Variants in TLN2 observed in about 807,000 individuals in gnomAD.
TLN2 encodes the protein talin-2.
TLN2 carries 118 observed loss-of-function variants against 294.7 expected under a neutral mutation model. The observed-to-expected ratio is 0.40, with a 90% confidence interval of 0.34 to 0.47. The LOEUF (loss-of-function observed/expected upper bound fraction) is 0.47. TLN2 is among the 20% of genes least tolerant of loss of function. TLN2 has a pLI of 0.84. For synonymous variants in TLN2, 1,431 were observed against 1,304.5 expected (o/e 1.10, Z -2.09); for missense variants, 3,083 against 3,282.2 (o/e 0.94, Z 1.48).
chr15:62,762,106 C>T (rs2062715859), intron 38 of TLN2, among the ~76,000 whole-genome samples, 166 bp from the exon 39 acceptor site: 1 of 152,138 alleles, frequency 6.6e-6, no homozygotes, highest in Non-Finnish European at 1.5e-5. Context: ...GGCTTGAGTC[C>T]CCGCCATGCA....
intron 1 of TLN2, among the ~76,000 whole-genome samples, chr15:62,444,559 C>T (rs2035719876): frequency 6.6e-6 from 1 of 152,200 alleles, no homozygotes; most frequent in Non-Finnish European, 1.5e-5. Context: ...CCTTTGTCTC[C>T]ATTTCCGGCA....
chr15:62,628,430 ACAT>A (rs1350028056), intron 3 of TLN2, among the ~76,000 whole-genome samples: 3 of 152,276 alleles, frequency 2.0e-5, no homozygotes, highest in Non-Finnish European at 4.4e-5. Context: ...AATACTTAGA[ACAT>A]CATATATAGT....
rs535066220 is a variant in TLN2, at chr15:62,813,593, A to C, written c.6771+3561A>C. Among the ~76,000 whole-genome samples, 3 of 152,348 alleles carry C rather than the reference A, an allele frequency of 2.0e-5. No individual in the cohort carries two copies. The South Asian group carries it at 6.2e-4, about 32-fold the overall frequency. ...ATGAGAAGCAATGAAAAGCAAGATT[A>C]AAAGTTACCTCCAAAGTTCTCCAGC... is the stretch of plus-strand genomic sequence containing the variant. On this transcript the variant is annotated intron_variant, in intron 52 of 58. Coordinates refer to ENST00000636159, the MANE Select transcript of TLN2 (RefSeq NM_015059.3).
At chr15:62,688,816 C>T (rs559312894) in intron 12 of TLN2, among the ~76,000 whole-genome samples, 1 of 152,194 alleles carries the variant, frequency 6.6e-6, no homozygotes, top group South Asian at 2.1e-4. Context: ...GACATAGCCA[C>T]CAATGCTTTT....
At chr15:62,526,938 A>G (rs2040769717) in intron 1 of TLN2, among the ~76,000 whole-genome samples, 3 of 152,366 alleles carry the variant, frequency 2.0e-5, no homozygotes, top group East Asian at 1.9e-4. Context: ...ATGTGTGCAC[A>G]TGTACCAATC....
At chr15:62,720,901 G>A (rs2060106025) in intron 25 of TLN2, among the ~76,000 whole-genome samples, 1 of 152,156 alleles carries the variant, frequency 6.6e-6, no homozygotes. Context: ...TTCCTAGAGA[G>A]AGGATTGTAA....
chr15:62,750,966 G>T (rs1012192361), intron 34 of TLN2, among the ~76,000 whole-genome samples: 9 of 151,602 alleles, frequency 5.9e-5, no homozygotes, highest in Non-Finnish European at 4.4e-5. Context: ...TTCTCAAGGA[G>T]GGTGAAATTG....
At chr15:62,420,657 C>T (rs1351686704) in intron 1 of TLN2, among the ~76,000 whole-genome samples, 3 of 152,200 alleles carry the variant, frequency 2.0e-5, no homozygotes, top group Non-Finnish European at 4.4e-5. Flanking sequence ...AAGCCAGTGA[C>T]TTTATACAAA....
rs543777615 is a variant in TLN2 at position 62,707,560 on chromosome 15, A to G, written c.2172+307A>G. Among the ~76,000 whole-genome samples the G allele has an allele frequency of 2.0e-3, 305 of 152,284 alleles. 9 individuals carry two copies. In the South Asian group the frequency reaches 0.057, roughly 29 times the overall value. On this transcript the variant is annotated intron_variant, in intron 20 of 58. Transcript: ENST00000636159. ...CACCTGCACAAAAATAGTTCTTGCAATGCGTGGTACAGCATTACAAATGGG... is the reference window on the plus strand; with the variant it reads ...CACCTGCACAAAAATAGTTCTTGCAGTGCGTGGTACAGCATTACAAATGGG...
chr15:62,409,824 T>C (rs976736921), intron 1 of TLN2, among the ~76,000 whole-genome samples: 4 of 152,224 alleles, frequency 2.6e-5, no homozygotes, highest in Non-Finnish European at 4.4e-5. Context: ...ACCAGTGTAA[T>C]AGATCTTGGT....
At chr15:62,597,078 C>T (rs1263592051) in intron 2 of TLN2, among the ~76,000 whole-genome samples, 1 of 152,148 alleles carries the variant, frequency 6.6e-6, no homozygotes, top group African/African-American at 2.4e-5. Flanking sequence ...AAAGCTGATT[C>T]TTGCTTTCAG....
intron 1 of TLN2, among the ~76,000 whole-genome samples, chr15:62,566,536 T>C (rs1324126834): frequency 6.6e-6 from 1 of 151,934 alleles, no homozygotes; most frequent in Admixed American, 6.6e-5. Context: ...ATGACCAGGC[T>C]TAGGAGGGAA....
intron 1 of TLN2, among the ~76,000 whole-genome samples, chr15:62,426,945 A>G (rs1348958052): frequency 6.6e-6 from 1 of 152,178 alleles, no homozygotes; most frequent in Non-Finnish European, 1.5e-5. Flanking sequence ...TATTAGTAAC[A>G]AGCCACCCAG....
chr15:62,532,939 A>T (rs1468343037), intron 1 of TLN2, among the ~76,000 whole-genome samples: 2 of 152,082 alleles, frequency 1.3e-5, no homozygotes, highest in Non-Finnish European at 2.9e-5. Flanking sequence ...GCAGGAATTC[A>T]TGGGGAAGGG....
chr15:62,407,728 C>G (rs1479697375), intron 1 of TLN2, among the ~76,000 whole-genome samples: 1 of 151,970 alleles, frequency 6.6e-6, no homozygotes, highest in Non-Finnish European at 1.5e-5. Flanking sequence ...ACCAGCCTGG[C>G]CAACATGGAG....
chr15:62,785,779 C>T (rs2064604258), intron 45 of TLN2, among the ~76,000 whole-genome samples: 1 of 152,130 alleles, frequency 6.6e-6, no homozygotes, highest in South Asian at 2.1e-4. Context: ...CCTGAACTGT[C>T]TGTATAGCCC....
chr15:62,501,820 T>C (rs2039324679), intron 1 of TLN2, among the ~76,000 whole-genome samples: 2 of 152,234 alleles, frequency 1.3e-5, no homozygotes, highest in Admixed American at 1.3e-4. Context: ...TTTAAGTATC[T>C]ATTTTGAATA....
In TLN2 at chr15:62,690,100, A is replaced by AC. The variant is rs562049579; in HGVS notation, c.1114-2731dup. On this transcript the variant is annotated intron_variant, in intron 12 of 58. Transcript: ENST00000636159. ...GGGCGGCCGGCCGGGCGGGGGGCTG[A>AC]CCCCCCCCCACCTCCCTCCCGGACG... The AC allele has an allele frequency of 4.6e-3, 272 of 58,904 alleles. 4 individuals carry two copies. Among genetic ancestry groups the AC allele is most frequent in the Middle Eastern group, 0.037 (2 of 54 alleles). 3.6% of individuals were successfully genotyped at this position (58,904 alleles called of 1,614,324 possible).
chr15:62,444,831 G>T (rs1187688380), intron 1 of TLN2, among the ~76,000 whole-genome samples: 2 of 152,190 alleles, frequency 1.3e-5, no homozygotes, highest in African/African-American at 4.8e-5. Context: ...TGCTGCTAGG[G>T]TGCATATGGT....
Sources: allele counts gnomAD v4.1 joint callset (sites outside exome capture counted in the v4.1 genomes callset), GRCh38; gene constraint gnomAD v4.1.1; transcripts MANE v1.5; gene names NCBI Gene and HGNC (gene_info 2026-07-23, HGNC 2026-07-21).